PRKG2: variants seen among roughly 807,000 people sequenced by gnomAD.
The protein encoded by PRKG2 is cGMP-dependent protein kinase 2.
A neutral mutation model predicts 97.2 loss-of-function variants in PRKG2; 33 were observed. The observed-to-expected ratio is 0.34, with a 90% confidence interval of 0.26 to 0.45. The LOEUF is 0.45. Ranked by LOEUF, PRKG2 falls within the 20% of genes least tolerant of loss-of-function variation. The pLI, the probability that PRKG2 is intolerant of heterozygous loss-of-function variation, is 1.00. For missense variants in PRKG2, 638 were observed against 900.0 expected, an observed-to-expected ratio of 0.71 and a Z score of 3.73; for synonymous variants, 330 against 321.8, an observed-to-expected ratio of 1.03 and a Z score of -0.27.
intron 2 of PRKG2, chr4:81,192,211 C>T (rs1752594727): frequency 6.6e-6 from 1 of 152,106 alleles, no homozygotes; most frequent in Non-Finnish European, 1.5e-5. Context: ...TTAGAGTACA[C>T]ACTCCGTACT....
intron 4 of PRKG2, among the ~76,000 whole-genome samples, chr4:81,170,440 C>T (rs368695966): frequency 2.1e-3 from 315 of 151,978 alleles, no homozygotes; most frequent in Non-Finnish European, 2.0e-3. Context: ...TTTTTAAAAA[C>T]GAGTAACAAA....
At chr4:81,164,059 C>T (rs1749788905) in intron 6 of PRKG2, among the ~76,000 whole-genome samples, 2 of 152,066 alleles carry the variant, frequency 1.3e-5, no homozygotes. Flanking sequence ...TCAGGTGGGC[C>T]CAGTCAGCCA....
At chr4:81,142,752 T>G in intron 11 of PRKG2, 42 bp downstream of exon 11, 1 of 1,487,496 alleles carries the variant, frequency 6.7e-7, no homozygotes, top group Non-Finnish European at 9.0e-7. Flanking sequence ...AAAAAAAAAG[T>G]CAAAAGGCTT....
intron 17 of PRKG2, among the ~76,000 whole-genome samples, 177 bp downstream of exon 17, chr4:81,104,193 T>G (rs1309409725): frequency 6.6e-6 from 1 of 152,158 alleles, no homozygotes; most frequent in Non-Finnish European, 1.5e-5. Flanking sequence ...GACAAATCAC[T>G]TTGAGATTGA....
At chr4:81,154,484 G>A (rs1316976683) in intron 6 of PRKG2, among the ~76,000 whole-genome samples, 2 of 145,118 alleles carry the variant, frequency 1.4e-5, no homozygotes, top group Non-Finnish European at 2.9e-5. Context: ...CAGCCTAACT[G>A]GGAGGCACCC....
intron 14 of PRKG2, among the ~76,000 whole-genome samples, chr4:81,134,193 T>G (rs1373672334): frequency 6.6e-6 from 1 of 152,214 alleles, no homozygotes; most frequent in Non-Finnish European, 1.5e-5. Context: ...CATAATAAAT[T>G]TAATTCATGT....
chr4:81,173,615 A>G (rs1238987926), intron 3 of PRKG2: 1 of 152,138 alleles, frequency 6.6e-6, no homozygotes, highest in African/African-American at 2.4e-5. Context: ...TTCCTTGGGA[A>G]TGACTGTATA....
At chr4:81,194,308 G>A (rs776643276) in intron 2 of PRKG2, among the ~76,000 whole-genome samples, 4 of 151,608 alleles carry the variant, frequency 2.6e-5, no homozygotes, top group East Asian at 1.9e-4. Flanking sequence ...GTTGGAAAAC[G>A]TCAGTCACCC....
intron 14 of PRKG2, among the ~76,000 whole-genome samples, chr4:81,127,764 T>C (rs1310627680): frequency 6.6e-6 from 1 of 152,242 alleles, no homozygotes; most frequent in Non-Finnish European, 1.5e-5. Flanking sequence ...TATACAATCA[T>C]GTCATCTGCA....
Position 81,089,092 on chromosome 4 carries a change from G to T in PRKG2, c.*616C>A, listed in dbSNP as rs1741309458. On this transcript the variant is annotated 3_prime_UTR_variant, in exon 19 of 19. Transcript: ENST00000264399. ...TTACCTGACTGGATTGATTGATTCA[G>T]TTACTTTAGGAAATGGTGCCACTGA... 1 of 152,068 alleles carries T rather than the reference G, an allele frequency of 6.6e-6. No individual in the cohort carries two copies. Among genetic ancestry groups the T allele is most frequent in the African/African-American group, 2.4e-5 (1 of 41,398 alleles). The allele number at this position is 152,068 out of a possible 1,614,324, so 9.4% of individuals were successfully genotyped here.
At chr4:81,121,838 T>C (rs1364406438) in intron 14 of PRKG2, among the ~76,000 whole-genome samples, 1 of 152,150 alleles carries the variant, frequency 6.6e-6, no homozygotes, top group Non-Finnish European at 1.5e-5. Flanking sequence ...AGTTCAACAG[T>C]AAACACCCTA....
intron 2 of PRKG2, among the ~76,000 whole-genome samples, chr4:81,183,839 T>G (rs528048098): frequency 4.6e-5 from 7 of 152,240 alleles, no homozygotes; most frequent in South Asian, 2.1e-4. Context: ...AAGGCTTCAG[T>G]AGGCGGTTTT....
chr4:81,143,311 C>T (rs1427379124), intron 10 of PRKG2, among the ~76,000 whole-genome samples: 5 of 151,954 alleles, frequency 3.3e-5, no homozygotes, highest in Admixed American at 6.6e-5. Context: ...TGTTAAAAAA[C>T]AACCATGAAA....
chr4:81,117,526 A>C (rs1744666637), intron 14 of PRKG2, among the ~76,000 whole-genome samples: 1 of 152,170 alleles, frequency 6.6e-6, no homozygotes, highest in Non-Finnish European at 1.5e-5. Flanking sequence ...TAGGTTAATA[A>C]AATTTTTTTC....
At chr4:81,108,578 G>A (rs987137721) in intron 15 of PRKG2, among the ~76,000 whole-genome samples, 1 of 151,098 alleles carries the variant, frequency 6.6e-6, no homozygotes, top group Non-Finnish European at 1.5e-5. Context: ...TCATTTACAG[G>A]TCAAACAAAA....
chr4:81,142,312 C>A (rs1747373815), intron 11 of PRKG2, among the ~76,000 whole-genome samples: 1 of 152,032 alleles, frequency 6.6e-6, no homozygotes, highest in Non-Finnish European at 1.5e-5. Context: ...TTTGAGCAAC[C>A]CAAAAACAAA....
At chr4:81,137,353 GC>G (rs771506092) in intron 13 of PRKG2, 39 bp downstream of exon 13, 1 of 1,361,776 alleles carries the variant, frequency 7.3e-7, no homozygotes, top group South Asian at 1.2e-5. Context: ...TATAAATATA[GC>G]CCTTAGGCCA....
intron 18 of PRKG2, among the ~76,000 whole-genome samples, chr4:81,091,294 A>T (rs947920564): frequency 3.0e-4 from 46 of 151,662 alleles, no homozygotes; most frequent in African/African-American, 5.8e-4. Flanking sequence ...TATTATTATT[A>T]TTTTTTGAGA....
At chr4:81,179,758 A>C (rs1313391509) in intron 2 of PRKG2, among the ~76,000 whole-genome samples, 5 of 152,166 alleles carry the variant, frequency 3.3e-5, no homozygotes, top group Non-Finnish European at 5.9e-5. Context: ...AAAAGTACTA[A>C]TCTATGTTAA....
Sources: gnomAD v4.1 joint callset for allele counts (sites outside exome capture counted in the v4.1 genomes callset) on GRCh38, gnomAD v4.1.1 for gene constraint, MANE v1.5 for transcripts, NCBI Gene and HGNC (gene_info 2026-07-23, HGNC 2026-07-21) for gene names.